Variants in EFCAB11 observed in about 807,000 individuals in gnomAD.
EFCAB11 encodes EF-hand calcium-binding domain-containing protein 11.
In EFCAB11, 14 loss-of-function variants were observed where a neutral mutation model predicts 23.0. The observed-to-expected ratio is 0.61, with a 90% CI of 0.40 to 0.95. The LOEUF (loss-of-function observed/expected upper bound fraction) is 0.95. Ranked by LOEUF, EFCAB11 falls within the 40% of genes least tolerant of loss-of-function variation. The probability of loss-of-function intolerance (pLI) is 0.00; values close to 1 mark genes in which losing one functional copy is unlikely to be tolerated. For synonymous variants in EFCAB11, 65 were observed against 66.6 expected (o/e 0.98, Z 0.11); for missense variants, 198 against 195.8 (o/e 1.01, Z -0.07).
intron 5 of EFCAB11, among the ~76,000 whole-genome samples, chr14:89,821,412 T>C (rs1450938892): frequency 6.6e-6 from 1 of 152,154 alleles, no homozygotes; most frequent in Non-Finnish European, 1.5e-5. Context: ...TTTCTCCCCT[T>C]ATGTATATAA....
At position 89,942,180 on chromosome 14, in the gene EFCAB11, C is replaced by A. The variant is rs893887761; in HGVS notation, c.217+7917G>T. On this transcript the variant is annotated intron_variant, in intron 3 of 5. Coordinates refer to ENST00000316738, the MANE Select transcript of EFCAB11 (RefSeq NM_145231.4). ...GTGGAACTGTGAGTCAATTAAACCT[C>A]TTTATAAATTACTCAGTCTCAGGTA... Among the ~76,000 whole-genome samples, 3 of 152,166 alleles carry A rather than the reference C, an allele frequency of 2.0e-5. No homozygotes were observed. The East Asian group carries it at 5.8e-4, about 29-fold the overall frequency.
chr14:89,857,291 G>A (rs1022708727), intron 5 of EFCAB11, among the ~76,000 whole-genome samples: 40 of 152,328 alleles, frequency 2.6e-4, no homozygotes, highest in African/African-American at 9.6e-4. Flanking sequence ...TCTGCCCTTT[G>A]GGCACTCCCA....
intron 5 of EFCAB11, among the ~76,000 whole-genome samples, chr14:89,874,772 G>A (rs1024846676): frequency 2.6e-5 from 4 of 152,022 alleles, no homozygotes; most frequent in African/African-American, 9.7e-5. Flanking sequence ...GGCCCCTGTA[G>A]TCCCAGCTAC....
At chr14:89,834,342 C>A (rs537429917) in intron 5 of EFCAB11, among the ~76,000 whole-genome samples, 1 of 138,496 alleles carries the variant, frequency 7.2e-6, no homozygotes, top group Non-Finnish European at 1.5e-5. Context: ...CACCACTGCA[C>A]TCCAGCCTGG....
intron 5 of EFCAB11, among the ~76,000 whole-genome samples, chr14:89,809,269 T>TTTCA (rs1428798022): frequency 6.6e-6 from 1 of 152,136 alleles, no homozygotes; most frequent in African/African-American, 2.4e-5. Context: ...CCACGAGGGA[T>TTTCA]TTCAATAATG....
At chr14:89,884,128 A>T (rs1203383401) in intron 5 of EFCAB11, among the ~76,000 whole-genome samples, 2 of 152,208 alleles carry the variant, frequency 1.3e-5, no homozygotes, top group Non-Finnish European at 2.9e-5. Flanking sequence ...CTCTGTCTCT[A>T]AAAAATAATA....
In EFCAB11 at chr14:89,863,183, T is replaced by C. The variant is rs571724125; in HGVS notation, c.411-65859A>G. On this transcript the variant is annotated intron_variant, in intron 5 of 5. Transcript: ENST00000316738. ...TAATATGAAATGGAAAATTTTAGGT[T>C]TAATCCTAAATTTATTAAACTAAGA... 2.0e-5 allele frequency among the ~76,000 whole-genome samples: 3 copies of C among 152,262 alleles called. No homozygotes were observed. The South Asian group carries it at 6.2e-4, about 32-fold the overall frequency.
chr14:89,890,910 A>T (rs1207039515), intron 5 of EFCAB11, among the ~76,000 whole-genome samples: 1 of 152,220 alleles, frequency 6.6e-6, no homozygotes, highest in Non-Finnish European at 1.5e-5. Context: ...AATCCAAAGG[A>T]CTACATGAAA....
chr14:89,915,877 G>A (rs1410908922), intron 5 of EFCAB11, among the ~76,000 whole-genome samples: 1 of 152,134 alleles, frequency 6.6e-6, no homozygotes, highest in Non-Finnish European at 1.5e-5. Context: ...GATTGAGGAG[G>A]TAATTTCACA....
At chr14:89,811,419 C>T (rs1284942577) in intron 5 of EFCAB11, among the ~76,000 whole-genome samples, 1 of 152,142 alleles carries the variant, frequency 6.6e-6, no homozygotes, top group Admixed American at 6.5e-5. Context: ...CCAAAGGTAT[C>T]CATGTGCTAT....
chr14:89,919,280 G>C (rs973980985), intron 5 of EFCAB11, among the ~76,000 whole-genome samples: 29 of 150,366 alleles, frequency 1.9e-4, no homozygotes, highest in African/African-American at 5.3e-4. Context: ...ATTAAAGAAA[G>C]AAGGCAAGTG....
At chr14:89,895,338 G>T (rs553746247) in intron 5 of EFCAB11, among the ~76,000 whole-genome samples, 65 of 152,294 alleles carry the variant, frequency 4.3e-4, no homozygotes, top group African/African-American at 1.5e-3. Flanking sequence ...ACAGTTTCTG[G>T]TTTTTAACAA....
At chr14:89,837,602 G>A (rs1887126180) in intron 5 of EFCAB11, among the ~76,000 whole-genome samples, 1 of 152,182 alleles carries the variant, frequency 6.6e-6, no homozygotes, top group East Asian at 1.9e-4. Flanking sequence ...TTAGGTATCT[G>A]AATAACATTG....
chr14:89,871,584 C>A (rs1171892551), intron 5 of EFCAB11, among the ~76,000 whole-genome samples: 1 of 152,180 alleles, frequency 6.6e-6, no homozygotes, highest in Non-Finnish European at 1.5e-5. Context: ...TACAGTGATG[C>A]CCCTACTTTG....
At chr14:89,812,669 G>C (rs11629221) in intron 5 of EFCAB11, among the ~76,000 whole-genome samples, 7,094 of 152,182 alleles carry the variant, frequency 0.047, 251 homozygotes, top group East Asian at 0.17. Context: ...AGTGATAAAG[G>C]CATTATATAT....
intron 5 of EFCAB11, among the ~76,000 whole-genome samples, chr14:89,865,147 G>A (rs897569285): frequency 2.6e-5 from 4 of 152,194 alleles, no homozygotes; most frequent in African/African-American, 4.8e-5. Flanking sequence ...CCACTGACAC[G>A]GGGCAAGGGC....
intron 3 of EFCAB11, among the ~76,000 whole-genome samples, chr14:89,939,089 TAAAGCTTA>T (rs994109144): frequency 1.3e-5 from 2 of 151,810 alleles, no homozygotes; most frequent in Non-Finnish European, 2.9e-5. Flanking sequence ...CTCCTGCTCA[TAAAGCTTA>T]AAAGGTTCCT....
chr14:89,930,773 A>G (rs370011357), intron 5 of EFCAB11, among the ~76,000 whole-genome samples: 10 of 152,264 alleles, frequency 6.6e-5, no homozygotes, highest in Middle Eastern at 3.4e-3. Flanking sequence ...ATGAATTTCT[A>G]TATTTTTTGA....
intron 5 of EFCAB11, among the ~76,000 whole-genome samples, chr14:89,816,402 A>G (rs996806630): frequency 1.3e-5 from 2 of 152,224 alleles, no homozygotes; most frequent in African/African-American, 4.8e-5. Context: ...TTGAAACATT[A>G]GAGCAAAAGA....
Sources: gnomAD v4.1 joint callset for allele counts (sites outside exome capture counted in the v4.1 genomes callset) on GRCh38, gnomAD v4.1.1 for gene constraint, MANE v1.5 for transcripts, NCBI Gene and HGNC (gene_info 2026-07-23, HGNC 2026-07-21) for gene names.